DLC1: variants seen among roughly 807,000 people sequenced by gnomAD.
The protein encoded by DLC1 is DLC1 Rho GTPase activating protein, also known as rho GTPase-activating protein 7.
In DLC1, 54 loss-of-function variants were observed where a neutral mutation model predicts 140.3. The observed-to-expected ratio is 0.38, with a 90% CI of 0.31 to 0.48. The LOEUF is 0.48. Ranked by LOEUF, DLC1 falls within the 20% of genes least tolerant of loss-of-function variation. DLC1 has a pLI of 0.96. For missense variants in DLC1, 2,536 were observed against 1,907.0 expected (o/e 1.33, Z -6.14); for synonymous variants, 986 against 728.1 (o/e 1.35, Z -5.70).
In DLC1 at chr8:13,100,105, G is replaced by T. The variant is rs747438739; in HGVS notation, c.2232C>A (p.Ser744Arg). ...VSNSTQTSSS[S>R]SQSETSSAVS... The stretch of plus-strand genomic sequence containing the variant: ...CCGCGCTGCTGGTCTCCGACTGGCT[G>T]CTGCTGCTGCTGGTCTGCGTGGAGT... The change falls in exon 9 of 18, where the codon AGC becomes AGA. Residue 744 changes from serine (S) to arginine (R), a missense_variant. Coordinates refer to ENST00000276297, the MANE Select transcript of DLC1 (RefSeq NM_182643.3). The T allele has an allele frequency of 5.0e-6, 8 of 1,613,670 alleles. No homozygotes were observed. Among genetic ancestry groups the T allele is most frequent in the Non-Finnish European group, 6.8e-6 (8 of 1,179,960 alleles).
chr8:13,346,548 G>A (rs922156182), intron 4 of DLC1, among the ~76,000 whole-genome samples: 6 of 152,326 alleles, frequency 3.9e-5, no homozygotes, highest in Middle Eastern at 3.4e-3. Context: ...CATCACATAT[G>A]TAAAGTTTAA....
At chr8:13,266,551 C>A (rs972730263) in intron 5 of DLC1, among the ~76,000 whole-genome samples, 2 of 152,000 alleles carry the variant, frequency 1.3e-5, no homozygotes, top group Non-Finnish European at 2.9e-5. Flanking sequence ...TCGAGACCAG[C>A]CTGGCCAACA....
chr8:13,159,814 G>A (rs1363255817), intron 5 of DLC1, among the ~76,000 whole-genome samples: 1 of 149,682 alleles, frequency 6.7e-6, no homozygotes, highest in Non-Finnish European at 1.5e-5. Flanking sequence ...CAAGAAGCAA[G>A]AAGGTAAGGG....
At chr8:13,230,266 G>T (rs1360842055) in intron 5 of DLC1, among the ~76,000 whole-genome samples, 1 of 152,172 alleles carries the variant, frequency 6.6e-6, no homozygotes, top group African/African-American at 2.4e-5. Flanking sequence ...AGATCTGCTG[G>T]TGTCAACAGA....
chr8:13,111,004 T>C (rs1195442155), intron 6 of DLC1, among the ~76,000 whole-genome samples, 181 bp from the exon 7 acceptor site: 2 of 152,204 alleles, frequency 1.3e-5, no homozygotes, highest in Non-Finnish European at 2.9e-5. Flanking sequence ...CGGGCATCAC[T>C]GTCCTAAAGG....
chr8:13,276,622 C>T, intron 5 of DLC1: 2 of 1,221,192 alleles, frequency 1.6e-6, no homozygotes, highest in Non-Finnish European at 2.0e-6. Context: ...GCCGGCGACA[C>T]CCTCGCGGGG....
intron 5 of DLC1, among the ~76,000 whole-genome samples, chr8:13,195,452 G>C (rs927475895): frequency 6.6e-6 from 1 of 152,168 alleles, no homozygotes; most frequent in South Asian, 2.1e-4. Flanking sequence ...AAGTGGAAGC[G>C]AGTGTGAGTA....
intron 1 of DLC1, among the ~76,000 whole-genome samples, chr8:13,531,063 A>C (rs1294000918): frequency 6.6e-6 from 1 of 152,118 alleles, no homozygotes; most frequent in African/African-American, 2.4e-5. Context: ...GAGATCCCAG[A>C]GTTCTCCCTC....
intron 4 of DLC1, among the ~76,000 whole-genome samples, chr8:13,318,330 G>T (rs914974803): frequency 1.3e-5 from 2 of 151,684 alleles, no homozygotes; most frequent in African/African-American, 4.8e-5. Flanking sequence ...CATTGTGCTT[G>T]GCCAACTAAT....
chr8:13,243,831 C>T (rs113296880), intron 5 of DLC1, among the ~76,000 whole-genome samples: 1 of 152,144 alleles, frequency 6.6e-6, no homozygotes, highest in Non-Finnish European at 1.5e-5. Flanking sequence ...CTTGGACAAT[C>T]TCATTCTCTT....
At chr8:13,113,470 T>G (rs2128948996) in intron 6 of DLC1, among the ~76,000 whole-genome samples, 1 of 152,324 alleles carries the variant, frequency 6.6e-6, no homozygotes, top group East Asian at 1.9e-4. Flanking sequence ...ACCCTGCATT[T>G]TAGGATTAGG....
At chr8:13,240,414 A>T (rs935354649) in intron 5 of DLC1, among the ~76,000 whole-genome samples, 8 of 152,264 alleles carry the variant, frequency 5.3e-5, no homozygotes, top group African/African-American at 1.9e-4. Flanking sequence ...CTCGACTAAT[A>T]TACACATATA....
At chr8:13,402,981 TCAGA>T (rs1837364908) in intron 2 of DLC1, among the ~76,000 whole-genome samples, 1 of 152,206 alleles carries the variant, frequency 6.6e-6, no homozygotes, top group Admixed American at 6.5e-5. Context: ...ATTAAATTTT[TCAGA>T]CAATCAATTA....
rs181869213 is a variant in DLC1, at chr8:13,595,009, A to G, written c.-126+9528T>C. 2.2e-4 allele frequency among the ~76,000 whole-genome samples: 33 copies of G among 151,986 alleles called. No individual in the cohort carries two copies. The East Asian group carries it at 4.8e-3, about 22-fold the overall frequency. The stretch of plus-strand genomic sequence containing the variant: ...TATATATTTCTGTATAGACTTCTTC[A>G]ATTGTTGTGAGAAAAAAAAAAGTGG... On this transcript the variant is annotated intron_variant, in intron 1 of 1. Transcript: ENST00000631382.
At chr8:13,108,974 C>T (rs77763667) in intron 7 of DLC1, among the ~76,000 whole-genome samples, 2,597 of 152,280 alleles carry the variant, frequency 0.017, 79 homozygotes, top group African/African-American at 0.059. Flanking sequence ...TGGGTACACA[C>T]CCTGTACGTT....
chr8:13,092,571 G>T, intron 13 of DLC1, 41 bp downstream of exon 13: 1 of 1,579,918 alleles, frequency 6.3e-7, no homozygotes, highest in South Asian at 1.1e-5. Flanking sequence ...GAAGAATGTA[G>T]GCTGCCCCCT....
chr8:13,320,559 C>T (rs1348461828), intron 4 of DLC1, among the ~76,000 whole-genome samples: 1 of 151,996 alleles, frequency 6.6e-6, no homozygotes, highest in Non-Finnish European at 1.5e-5. Flanking sequence ...GGATGTTGTC[C>T]CCTCCAAATC....
intron 4 of DLC1, among the ~76,000 whole-genome samples, chr8:13,344,502 A>C (rs1343209427): frequency 6.6e-6 from 1 of 152,230 alleles, no homozygotes; most frequent in Non-Finnish European, 1.5e-5. Flanking sequence ...TCAAAAAAAC[A>C]AAACAAAACA....
At chr8:13,255,335 T>C (rs1830176681) in intron 5 of DLC1, among the ~76,000 whole-genome samples, 1 of 152,146 alleles carries the variant, frequency 6.6e-6, no homozygotes, top group Non-Finnish European at 1.5e-5. Context: ...TATACCTCAT[T>C]GTAATTTGTG....
Sources: gnomAD v4.1 joint callset for allele counts (sites outside exome capture counted in the v4.1 genomes callset) on GRCh38, gnomAD v4.1.1 for gene constraint, MANE v1.5 for transcripts, NCBI Gene and HGNC (gene_info 2026-07-23, HGNC 2026-07-21) for gene names.